Variants in SULF1 observed in about 807,000 individuals in gnomAD.
SULF1 encodes the protein extracellular sulfatase Sulf-1.
Under a neutral mutation model 110.5 loss-of-function variants are expected in SULF1, and 46 were observed. That is an observed-to-expected ratio of 0.42 (90% CI 0.33 to 0.53). The LOEUF (loss-of-function observed/expected upper bound fraction) is 0.53, where lower values mean the gene tolerates loss of function less well. Ranked by LOEUF, SULF1 falls within the 20% of genes least tolerant of loss-of-function variation. The pLI, the probability that SULF1 is intolerant of heterozygous loss-of-function variation, is 0.12. For missense variants in SULF1, 941 were observed against 1,094.2 expected (o/e 0.86, Z 1.98); for synonymous variants, 371 against 387.1 (o/e 0.96, Z 0.49).
intron 20 of SULF1, 28 bp from the exon 21 acceptor site, chr8:69,638,707 A>G (rs1811237175): frequency 1.9e-6 from 3 of 1,613,346 alleles, no homozygotes; most frequent in Non-Finnish European, 1.7e-6. Context: ...ACATAAGCTT[A>G]AATAGATTGT....
intron 3 of SULF1, among the ~76,000 whole-genome samples, chr8:69,510,205 G>A (rs1024410179): frequency 3.3e-5 from 5 of 152,170 alleles, no homozygotes; most frequent in African/African-American, 4.8e-5. Context: ...TTTGGGAGGC[G>A]TTCAAGAGTT....
At chr8:69,539,367 A>G (rs1813703531) in intron 3 of SULF1, among the ~76,000 whole-genome samples, 1 of 152,198 alleles carries the variant, frequency 6.6e-6, no homozygotes, top group Admixed American at 6.5e-5. Flanking sequence ...ATCTCATGTT[A>G]TTTGAAAAAG....
chr8:69,544,700 A>G (rs1814125093), intron 3 of SULF1, among the ~76,000 whole-genome samples: 1 of 152,246 alleles, frequency 6.6e-6, no homozygotes, highest in Non-Finnish European at 1.5e-5. Flanking sequence ...TGAGAAAGGA[A>G]ATGGGGAAAA....
intron 3 of SULF1, among the ~76,000 whole-genome samples, chr8:69,508,422 T>C (rs1473210809): frequency 6.6e-6 from 1 of 152,154 alleles, no homozygotes; most frequent in Non-Finnish European, 1.5e-5. Context: ...TATTTAAAAA[T>C]AAAAAGTAAC....
At chr8:69,523,272 G>A (rs1812438346) in intron 3 of SULF1, among the ~76,000 whole-genome samples, 1 of 152,094 alleles carries the variant, frequency 6.6e-6, no homozygotes, top group Non-Finnish European at 1.5e-5. Context: ...TTGAGGAGTT[G>A]GGGAGACCTG....
chr8:69,630,883 A>G (rs910667453), intron 19 of SULF1, among the ~76,000 whole-genome samples: 2 of 152,060 alleles, frequency 1.3e-5, no homozygotes, highest in Non-Finnish European at 2.9e-5. Context: ...TTTGTTACGT[A>G]TGTATACATG....
Position 69,629,679 on chromosome 8 carries a change from C to G in SULF1, c.2284C>G (p.Leu762Val). 2 of 1,596,896 alleles carry G rather than the reference C, an allele frequency of 1.3e-6. No individual in the cohort carries two copies. Among genetic ancestry groups the G allele is most frequent in the Non-Finnish European group, 8.5e-7 (1 of 1,171,534 alleles). ...NHWQTAPFWN[L>V]GSFCACTSSN... ...CTGGCAGACAGCCCCGTTCTGGAACCGTAAGTTGCTTGTTCCAAATGCCAC... is the reference window on the plus strand; with the variant it reads ...CTGGCAGACAGCCCCGTTCTGGAACGGTAAGTTGCTTGTTCCAAATGCCAC... The change falls in exon 19 of 23, where the codon CTG becomes GTG. Residue 762 changes from leucine (L) to valine (V), a missense_variant and splice_region_variant. Around this residue, in one of 3 missense-constraint regions of SULF1, gnomAD observed 112 missense variants for 133.5 expected, o/e 0.84. Transcript: ENST00000402687.
intron 15 of SULF1, 47 bp downstream of exon 15, chr8:69,624,244 C>A: frequency 1.3e-6 from 2 of 1,523,496 alleles, no homozygotes; most frequent in Middle Eastern, 1.8e-4. Flanking sequence ...AGAATTACCA[C>A]CACAACACAC....
At chr8:69,538,187 T>G (rs947348153) in intron 3 of SULF1, among the ~76,000 whole-genome samples, 4 of 152,076 alleles carry the variant, frequency 2.6e-5, no homozygotes, top group African/African-American at 9.7e-5. Flanking sequence ...GTCAAATACT[T>G]TTATACTTTT....
chr8:69,630,965 C>G (rs1040870108), intron 19 of SULF1, among the ~76,000 whole-genome samples: 3 of 151,308 alleles, frequency 2.0e-5, no homozygotes, highest in African/African-American at 7.3e-5. Flanking sequence ...CTATCCCTCC[C>G]CCCTGCCCCC....
At chr8:69,613,818 T>C (rs574238291) in intron 13 of SULF1, among the ~76,000 whole-genome samples, 1 of 152,310 alleles carries the variant, frequency 6.6e-6, no homozygotes, top group East Asian at 1.9e-4. Flanking sequence ...GTACATCTTT[T>C]CCTTAGAACT....
intron 3 of SULF1, among the ~76,000 whole-genome samples, chr8:69,508,870 C>T (rs1374152934): frequency 6.6e-6 from 1 of 152,158 alleles, no homozygotes; most frequent in Non-Finnish European, 1.5e-5. Flanking sequence ...CCATTCAGAG[C>T]AGTCGGTGCT....
intron 17 of SULF1, 142 bp from the exon 18 acceptor site, chr8:69,628,029 A>G: frequency 2.2e-6 from 2 of 896,540 alleles, no homozygotes; most frequent in Non-Finnish European, 3.6e-6. Flanking sequence ...AAACTTAAGC[A>G]GAAAGTAAAA....
chr8:69,535,188 A>T (rs1813352431), intron 3 of SULF1, among the ~76,000 whole-genome samples: 1 of 152,030 alleles, frequency 6.6e-6, no homozygotes, highest in Non-Finnish European at 1.5e-5. Context: ...TGCTGTGGAG[A>T]GCTCCATATT....
upstream of SULF1, among the ~76,000 whole-genome samples, chr8:69,490,715 T>A (rs1399154665): frequency 6.6e-6 from 1 of 152,192 alleles, no homozygotes; most frequent in African/African-American, 2.4e-5. Context: ...TCATTGACTA[T>A]GGAATCAGAC....
chr8:69,468,818 G>A (rs1401673458), intron 1 of SULF1, among the ~76,000 whole-genome samples: 1 of 152,190 alleles, frequency 6.6e-6, no homozygotes, highest in Non-Finnish European at 1.5e-5. Context: ...TCACAGATCG[G>A]ATTTTCCTCC....
intron 13 of SULF1, among the ~76,000 whole-genome samples, chr8:69,614,411 G>A (rs909035411): frequency 2.0e-5 from 3 of 152,230 alleles, no homozygotes; most frequent in Non-Finnish European, 2.9e-5. Flanking sequence ...GGGTTGTAGT[G>A]AGGATTAAAT....
At chr8:69,514,503 T>C (rs1340344674) in intron 3 of SULF1, among the ~76,000 whole-genome samples, 1 of 152,142 alleles carries the variant, frequency 6.6e-6, no homozygotes, top group Admixed American at 6.6e-5. Context: ...TGGGTGGGGG[T>C]ACAGAGTCAA....
At chr8:69,625,505 T>C (rs535307638) in intron 15 of SULF1, among the ~76,000 whole-genome samples, 1 of 152,300 alleles carries the variant, frequency 6.6e-6, no homozygotes, top group Admixed American at 6.5e-5. Flanking sequence ...CTTCTGATGT[T>C]CAGATGTGTT....
Sources: gnomAD v4.1 joint callset for allele counts (sites outside exome capture counted in the v4.1 genomes callset) on GRCh38, gnomAD v4.1.1 for gene constraint, gnomAD v4.1.1 regional missense constraint, MANE v1.5 for transcripts, NCBI Gene and HGNC (gene_info 2026-07-23, HGNC 2026-07-21) for gene names.